The following NUSAP1 variants were observed in gnomAD, a reference collection of about 807,000 sequenced individuals.
NUSAP1 encodes nucleolar and spindle associated protein 1.
In NUSAP1, 32 loss-of-function variants were observed where a neutral mutation model predicts 52.8. The observed-to-expected ratio is 0.61, with a 90% CI of 0.46 to 0.81. The LOEUF (loss-of-function observed/expected upper bound fraction) is 0.81, where lower values mean the gene tolerates loss of function less well. NUSAP1 is among the 40% of genes least tolerant of loss of function. NUSAP1 has a pLI of 0.00. For missense variants in NUSAP1, 499 were observed against 522.3 expected, an observed-to-expected ratio of 0.96 and a Z score of 0.43; for synonymous variants, 195 against 183.1, an observed-to-expected ratio of 1.06 and a Z score of -0.52.
chr15:41,368,618 T>A (rs1285570840), intron 7 of NUSAP1, among the ~76,000 whole-genome samples: 1 of 152,106 alleles, frequency 6.6e-6, no homozygotes, highest in East Asian at 1.9e-4. Flanking sequence ...ATATCAAAAC[T>A]TTATTTTCTA....
At chr15:41,378,631 G>T (rs1323503499) in intron 10 of NUSAP1, among the ~76,000 whole-genome samples, 1 of 152,056 alleles carries the variant, frequency 6.6e-6, no homozygotes, top group African/African-American at 2.4e-5. Context: ...TTAGCCGGGC[G>T]TGGTGGCACA....
intron 8 of NUSAP1, among the ~76,000 whole-genome samples, chr15:41,372,019 C>T (rs753322206): frequency 2.4e-4 from 37 of 152,242 alleles, no homozygotes; most frequent in African/African-American, 5.1e-4. Flanking sequence ...CCGCCCGCCT[C>T]GGCCTACCAA....
In NUSAP1 at chr15:41,354,988, C is replaced by G. The variant is rs915102245; in HGVS notation, c.449-1051C>G. Among the ~76,000 whole-genome samples, 4 of 150,896 alleles carry G rather than the reference C, an allele frequency of 2.7e-5. No individual in the cohort carries two copies. The East Asian group carries it at 7.9e-4, about 30-fold the overall frequency. On this transcript the variant is annotated intron_variant, in intron 4 of 10. Transcript: ENST00000559596. The stretch of plus-strand genomic sequence containing the variant: ...TGAGCCGAGATCACGCCACTGCACT[C>G]CAGCCTGGGCGAAAGAGCGAGACTC...
Position 41,342,470 on chromosome 15 carries a change from C to G in NUSAP1, c.162+16C>G. ...TGAGAATCAGGTGAGTAATGTTTTT[C>G]ATGTTTACCTGTTAGCTAGCAAAAT... On this transcript the variant is annotated intron_variant, in intron 2 of 10. Coordinates refer to ENST00000559596, the MANE Select transcript of NUSAP1 (RefSeq NM_016359.5). The G allele has an allele frequency of 3.2e-6, 5 of 1,540,184 alleles. No homozygotes were observed. The highest frequency in any genetic ancestry group is 4.4e-6 in the Non-Finnish European group (5 of 1,132,858).
chr15:41,332,903 C>G lies in NUSAP1; in HGVS notation c.-55C>G. On this transcript the variant is annotated 5_prime_UTR_variant, in exon 1 of 11. Coordinates refer to ENST00000559596, the MANE Select transcript of NUSAP1 (RefSeq NM_016359.5). ...AGAGTGGCGCCAGGGATTTGAACCG[C>G]GCTGACGAAGTTTGGTGATCCATCT... is the stretch of plus-strand genomic sequence containing the variant. 7.2e-7 allele frequency: 1 copy of G among 1,398,274 alleles called. No individual in the cohort carries two copies. Among genetic ancestry groups the G allele is most frequent in the African/African-American group, 1.4e-5 (1 of 70,428 alleles). The allele number at this position is 1,398,274 out of a possible 1,614,324, so 86.6% of individuals were successfully genotyped here.
chr15:41,373,885 G>C (rs1455654843), intron 8 of NUSAP1, among the ~76,000 whole-genome samples: 1 of 152,038 alleles, frequency 6.6e-6, no homozygotes, highest in Non-Finnish European at 1.5e-5. Context: ...AAGCTGAAAA[G>C]TTACCGTCAT....
At chr15:41,373,448 CTTTT>C in intron 8 of NUSAP1, among the ~76,000 whole-genome samples, 1 of 117,282 alleles carries the variant, frequency 8.5e-6, no homozygotes, top group Admixed American at 9.2e-5. Flanking sequence ...AATTCATATT[CTTTT>C]TTTTTTTTTT....
intron 1 of NUSAP1, among the ~76,000 whole-genome samples, chr15:41,335,766 A>G (rs1457351755): frequency 1.4e-5 from 2 of 144,864 alleles, no homozygotes; most frequent in Non-Finnish European, 3.0e-5. Flanking sequence ...CTATATTTAT[A>G]CCGGTATAAA....
intron 7 of NUSAP1, among the ~76,000 whole-genome samples, chr15:41,371,273 C>T (rs549844134): frequency 6.6e-6 from 1 of 152,136 alleles, no homozygotes; most frequent in Non-Finnish European, 1.5e-5. Context: ...TCCTCCATCA[C>T]CATCATTGTC....
At chr15:41,372,553 G>C (rs550955727) in intron 8 of NUSAP1, among the ~76,000 whole-genome samples, 1 of 152,278 alleles carries the variant, frequency 6.6e-6, no homozygotes, top group South Asian at 2.1e-4. Context: ...AGGACAGCTG[G>C]ATTGGAAAAT....
At chr15:41,360,651 T>C (rs1239936514) in intron 6 of NUSAP1, among the ~76,000 whole-genome samples, 1 of 151,504 alleles carries the variant, frequency 6.6e-6, no homozygotes, top group Non-Finnish European at 1.5e-5. Context: ...AAGATGGGGT[T>C]TCACCATGTT....
intron 3 of NUSAP1, chr15:41,349,469 G>A (rs1434469953): frequency 2.4e-6 from 1 of 408,882 alleles, no homozygotes; most frequent in African/African-American, 2.0e-5. Context: ...AATATTTGTT[G>A]TATAAATATG....
chr15:41,376,412 G>A (rs2049936888), intron 9 of NUSAP1, among the ~76,000 whole-genome samples: 1 of 150,264 alleles, frequency 6.7e-6, no homozygotes, highest in African/African-American at 2.5e-5. Flanking sequence ...AACAGGCTGG[G>A]CGCGGTGGCT....
At chr15:41,371,726 A>G in intron 8 of NUSAP1, 42 bp downstream of exon 8, 1 of 1,557,990 alleles carries the variant, frequency 6.4e-7, no homozygotes. Context: ...TTCATTTTTA[A>G]GCCATGTAAC....
chr15:41,373,403 C>T (rs1241639302), intron 8 of NUSAP1, among the ~76,000 whole-genome samples: 1 of 151,516 alleles, frequency 6.6e-6, no homozygotes, highest in Non-Finnish European at 1.5e-5. Context: ...AAAAAAACTA[C>T]ACCATCCTGG....
chr15:41,332,921 A>T lies in NUSAP1; in HGVS notation c.-37A>T. On this transcript the variant is annotated 5_prime_UTR_variant, in exon 1 of 11. Coordinates refer to ENST00000559596, the MANE Select transcript of NUSAP1 (RefSeq NM_016359.5). Reference sequence around the variant, plus strand: ...TGAACCGCGCTGACGAAGTTTGGTGATCCATCTTCCGAGTATCGCCGGGAT... The same window carrying T: ...TGAACCGCGCTGACGAAGTTTGGTGTTCCATCTTCCGAGTATCGCCGGGAT... The T allele has an allele frequency of 6.6e-7, 1 of 1,522,928 alleles. No individual in the cohort carries two copies. Among genetic ancestry groups the T allele is most frequent in the African/African-American group, 1.4e-5 (1 of 73,012 alleles). 94.3% of individuals were successfully genotyped at this position (1,522,928 alleles called of 1,614,324 possible).
At chr15:41,351,841 A>C (rs377380706) in intron 4 of NUSAP1, 1 of 152,252 alleles carries the variant, frequency 6.6e-6, no homozygotes, top group African/African-American at 2.4e-5. Flanking sequence ...TCTGAAAAAA[A>C]ATTCCCATAT....
intron 7 of NUSAP1, among the ~76,000 whole-genome samples, chr15:41,370,374 T>TC (rs937361642): frequency 6.6e-6 from 1 of 151,562 alleles, no homozygotes; most frequent in Non-Finnish European, 1.5e-5. Context: ...ATAGCGAGAC[T>TC]CCGTCTCCAA....
chr15:41,372,131 AT>A (rs1038149171), intron 8 of NUSAP1, among the ~76,000 whole-genome samples: 1 of 152,078 alleles, frequency 6.6e-6, no homozygotes, highest in Non-Finnish European at 1.5e-5. Flanking sequence ...ACCATAGTGT[AT>A]TTTTAATTGT....
Sources: gnomAD v4.1 joint callset for allele counts (sites outside exome capture counted in the v4.1 genomes callset) on GRCh38, gnomAD v4.1.1 for gene constraint, MANE v1.5 for transcripts, NCBI Gene and HGNC (gene_info 2026-07-23, HGNC 2026-07-21) for gene names.